NOP58: variants seen among roughly 807,000 people sequenced by gnomAD.
NOP58 encodes nucleolar protein 58.
A neutral mutation model predicts 71.2 loss-of-function variants in NOP58; 44 were observed. That is an observed-to-expected ratio of 0.62 (90% CI 0.49 to 0.79). NOP58 has a LOEUF of 0.79. NOP58 is among the 30% of genes least tolerant of loss of function. The pLI is 0.00. For missense variants in NOP58, 538 were observed against 620.2 expected (o/e 0.87, Z 1.41); for synonymous variants, 228 against 200.3 (o/e 1.14, Z -1.17).
At chr2:202,298,737 A>G (rs982972712) in intron 12 of NOP58, among the ~76,000 whole-genome samples, 1 of 152,162 alleles carries the variant, frequency 6.6e-6, no homozygotes, top group Admixed American at 6.5e-5. Flanking sequence ...AAAGCATTCA[A>G]ACTTAACTAT....
At chr2:202,300,100 C>A in intron 12 of NOP58, 134 bp from the exon 13 acceptor site, 1 of 745,210 alleles carries the variant, frequency 1.3e-6, no homozygotes, top group South Asian at 1.8e-5. Flanking sequence ...CATAAACTAC[C>A]CCAAAGCCAC....
At chr2:202,297,966 T>A in intron 12 of NOP58, 60 bp downstream of exon 12, 1 of 1,041,656 alleles carries the variant, frequency 9.6e-7, no homozygotes, top group Non-Finnish European at 1.4e-6. Flanking sequence ...TTATTGACAG[T>A]AATTTTTTAT....
chr2:202,267,950 A>G (rs1688445073), intron 1 of NOP58, among the ~76,000 whole-genome samples: 1 of 152,228 alleles, frequency 6.6e-6, no homozygotes, highest in Non-Finnish European at 1.5e-5. Context: ...TACTAAAGAA[A>G]TAACTAGTTA....
intron 4 of NOP58, 101 bp downstream of exon 4, chr2:202,282,573 A>C: frequency 2.2e-5 from 27 of 1,223,816 alleles, no homozygotes; most frequent in Non-Finnish European, 2.6e-5. Flanking sequence ...ATAAATTCTC[A>C]ATACATTTTT....
chr2:202,298,004 G>T, intron 12 of NOP58, 98 bp downstream of exon 12: 1 of 731,792 alleles, frequency 1.4e-6, no homozygotes, highest in Non-Finnish European at 2.1e-6. Flanking sequence ...TGTGCCCATA[G>T]TTTTTTCAAA....
chr2:202,302,931 G>A lies in NOP58; in HGVS notation c.1413G>A (p.Glu471=). The A allele has an allele frequency of 6.2e-7, 1 of 1,603,446 alleles. No individual in the cohort carries two copies. The highest frequency in any genetic ancestry group is 8.5e-7 in the Non-Finnish European group (1 of 1,178,960). ...KAKIKVKVEE[E]EEEKVAEEEE... is the part of the protein sequence containing the mutation. ...ACTTACCCTATTCAGTTGAAGAAGA[G>A]GAAGAAGAAAAAGTGGCAGAAGAAG... is the stretch of plus-strand genomic sequence containing the variant. Residue 471 remains glutamate (E), a synonymous_variant, in exon 14 of 15, where the codon GAG becomes GAA. Transcript: ENST00000264279.
chr2:202,292,320 C>G (rs774539873), intron 8 of NOP58, among the ~76,000 whole-genome samples: 1 of 151,838 alleles, frequency 6.6e-6, no homozygotes, highest in Admixed American at 6.6e-5. Flanking sequence ...AATACAGTTA[C>G]GCTGACTAAG....
Position 202,302,785 on chromosome 2 carries a change from C to A in NOP58, c.1403-136C>A, listed in dbSNP as rs1354077232. ...AGTGGTAGGCCTTGGAGAACCTTCC[C>A]AATTATAAAATAAACAAAACAAACA... On this transcript the variant is annotated intron_variant, in intron 13 of 14. Transcript: ENST00000264279. 1.0e-5 allele frequency: 13 copies of A among 1,238,268 alleles called. No individual in the cohort carries two copies. In the East Asian group the frequency reaches 3.1e-4, roughly 30 times the overall value. 76.7% of individuals were successfully genotyped at this position (1,238,268 alleles called of 1,614,324 possible). A position where few individuals can be genotyped will look rare whatever the true frequency, so the allele number is the denominator to read the frequency against.
chr2:202,269,834 TC>T (rs1307816033), intron 1 of NOP58, among the ~76,000 whole-genome samples: 1 of 152,232 alleles, frequency 6.6e-6, no homozygotes, highest in African/African-American at 2.4e-5. Context: ...ATACCAGACT[TC>T]CTTCAGCTGC....
intron 9 of NOP58, 70 bp downstream of exon 9, chr2:202,292,973 C>G: frequency 5.2e-6 from 8 of 1,540,976 alleles, no homozygotes; most frequent in Non-Finnish European, 7.2e-6. Context: ...TTGTTTACAT[C>G]TTTAAACTAC....
intron 1 of NOP58, among the ~76,000 whole-genome samples, chr2:202,266,527 G>T (rs1470851096): frequency 6.6e-6 from 1 of 151,964 alleles, no homozygotes; most frequent in Admixed American, 6.6e-5. Flanking sequence ...TGTTGGCCAG[G>T]CTGGTCTTGA....
chr2:202,291,968 CTTTTTTTTTTTTTTTTTTTTTTTTTTTT>C (rs869075798), intron 8 of NOP58, among the ~76,000 whole-genome samples: 3 of 43,946 alleles, frequency 6.8e-5, no homozygotes, highest in Non-Finnish European at 1.3e-4. Flanking sequence ...TGCTCAGAAT[CTTTTTTTTTTTTTTTTTTTTTTTTTTTT>C]TTTTTTTTGA....
intron 6 of NOP58, 82 bp downstream of exon 6, chr2:202,287,806 C>T (rs1016528578): frequency 9.0e-7 from 1 of 1,114,590 alleles, no homozygotes; most frequent in South Asian, 1.3e-5. Flanking sequence ...TTTTATGATT[C>T]TGTCTGTTGA....
chr2:202,274,979 A>G (rs1040389637), intron 1 of NOP58, 134 bp from the exon 2 acceptor site: 4 of 559,548 alleles, frequency 7.1e-6, no homozygotes, highest in African/African-American at 2.0e-5. Flanking sequence ...AGGGTAAGAA[A>G]ACTAGTTCAT....
At position 202,293,656 on chromosome 2, in the gene NOP58, T is replaced by C. The variant is rs538503516; in HGVS notation, c.907+753T>C. ...GAGTGCAGTGGCTCACTGCAACCTC[T>C]GCCTCCCAGGTTCAAGCAATTCTCC... On this transcript the variant is annotated intron_variant, in intron 9 of 14. Coordinates refer to ENST00000264279, the MANE Select transcript of NOP58 (RefSeq NM_015934.5). Among the ~76,000 whole-genome samples, 55 of 152,130 alleles carry C rather than the reference T, an allele frequency of 3.6e-4. 1 individual carries two copies. The highest frequency in any genetic ancestry group is 7.8e-4 in the Non-Finnish European group (53 of 68,024).
At chr2:202,279,660 T>C (rs981320614) in intron 3 of NOP58, among the ~76,000 whole-genome samples, 15 of 152,118 alleles carry the variant, frequency 9.9e-5, no homozygotes, top group African/African-American at 3.4e-4. Flanking sequence ...CCGGGTGTGG[T>C]GGCACACACC....
chr2:202,286,421 C>T (rs1688787160), intron 5 of NOP58, among the ~76,000 whole-genome samples: 1 of 151,544 alleles, frequency 6.6e-6, no homozygotes, highest in African/African-American at 2.4e-5. Flanking sequence ...AGGAGAATGG[C>T]GTGAACCCGG....
intron 3 of NOP58, among the ~76,000 whole-genome samples, chr2:202,280,628 G>A (rs1159485588): frequency 1.4e-5 from 2 of 144,288 alleles, no homozygotes; most frequent in Non-Finnish European, 3.0e-5. Flanking sequence ...CACCGTGCCT[G>A]GCCATCATTT....
rs144860476 is a variant in NOP58 at position 202,283,431 on chromosome 2, C to T, written c.298-914C>T. On this transcript the variant is annotated intron_variant, in intron 4 of 14. Coordinates refer to ENST00000264279, the MANE Select transcript of NOP58 (RefSeq NM_015934.5). Reference sequence around the variant, plus strand: ...CTAGGATTACAGGCATGTGCCACCACGCCCAACCTGTAATTTTTTTTTTTT... The same window carrying T: ...CTAGGATTACAGGCATGTGCCACCATGCCCAACCTGTAATTTTTTTTTTTT... Among the ~76,000 whole-genome samples the T allele has an allele frequency of 8.7e-3, 1,293 of 148,888 alleles. 9 individuals are homozygous for T. The highest frequency in any genetic ancestry group is 0.015 in the South Asian group (68 of 4,670).
Sources: allele counts gnomAD v4.1 joint callset (sites outside exome capture counted in the v4.1 genomes callset), GRCh38; gene constraint gnomAD v4.1.1; transcripts MANE v1.5; gene names NCBI Gene and HGNC (gene_info 2026-07-23, HGNC 2026-07-21).